The following MGAT5 variants were observed in gnomAD, a reference collection of about 807,000 sequenced individuals.
MGAT5 encodes the protein alpha-1,6-mannosylglycoprotein 6-beta-N-acetylglucosaminyltransferase.
A neutral mutation model predicts 94.3 loss-of-function variants in MGAT5; 30 were observed. The ratio of observed to expected loss-of-function variants is 0.32; its 90% CI spans 0.24 to 0.43. The LOEUF is 0.43. MGAT5 is among the 20% of genes least tolerant of loss of function. The pLI is 1.00. For synonymous variants in MGAT5, 310 were observed against 322.9 expected (o/e 0.96, Z 0.43); for missense variants, 691 against 905.5 (o/e 0.76, Z 3.04).
chr2:134,196,271 T>C (rs2105258786), intron 1 of MGAT5, among the ~76,000 whole-genome samples: 1 of 152,294 alleles, frequency 6.6e-6, no homozygotes, highest in African/African-American at 2.4e-5. Flanking sequence ...AATTTACCTA[T>C]TGTTGGTGTT....
intron 1 of MGAT5, among the ~76,000 whole-genome samples, chr2:134,266,959 A>T (rs1229855183): frequency 1.3e-5 from 2 of 152,246 alleles, no homozygotes; most frequent in Non-Finnish European, 2.9e-5. Context: ...AAAGAGTCTT[A>T]ATTTTAAAAA....
chr2:134,129,585 C>A (rs866596283), intron 1 of MGAT5, among the ~76,000 whole-genome samples: 1 of 152,036 alleles, frequency 6.6e-6, no homozygotes, highest in Admixed American at 6.6e-5. Context: ...CTGTTCTTCT[C>A]CCCTTTGAAC....
At chr2:134,391,458 G>A (rs528792078) in intron 10 of MGAT5, among the ~76,000 whole-genome samples, 21 of 152,326 alleles carry the variant, frequency 1.4e-4, no homozygotes, top group African/African-American at 4.6e-4. Context: ...TCTGGAGGCT[G>A]AAAGTCTGAG....
intron 10 of MGAT5, among the ~76,000 whole-genome samples, chr2:134,385,678 A>G (rs1349015390): frequency 6.6e-6 from 1 of 152,200 alleles, no homozygotes; most frequent in Non-Finnish European, 1.5e-5. Flanking sequence ...AAAGGTACAC[A>G]CGTAAGGTTG....
At chr2:134,251,813 A>G (rs943499837), upstream of MGAT5, among the ~76,000 whole-genome samples, 1 of 152,172 alleles carries the variant, frequency 6.6e-6, no homozygotes, top group African/African-American at 2.4e-5. Context: ...TATTAACCAT[A>G]GTCACCTTGC....
intron 1 of MGAT5, among the ~76,000 whole-genome samples, chr2:134,145,584 G>A (rs1331503571): frequency 1.3e-5 from 2 of 152,216 alleles, no homozygotes; most frequent in Admixed American, 1.3e-4. Context: ...CCTGAGCCTT[G>A]ACATTTGAAC....
chr2:134,152,488 G>A (rs1237375252), intron 1 of MGAT5, among the ~76,000 whole-genome samples: 1 of 150,388 alleles, frequency 6.6e-6, no homozygotes, highest in Non-Finnish European at 1.5e-5. Flanking sequence ...CTCATCCCCT[G>A]TGGGACCCAC....
At chr2:134,334,009 G>A (rs538277488) in intron 4 of MGAT5, among the ~76,000 whole-genome samples, 2 of 149,838 alleles carry the variant, frequency 1.3e-5, no homozygotes, top group Admixed American at 6.7e-5. Context: ...CCACCTTCCC[G>A]CTCTGTGCTA....
chr2:134,408,814 T>C (rs113350583), intron 11 of MGAT5, among the ~76,000 whole-genome samples: 3,041 of 152,310 alleles, frequency 0.02, 39 homozygotes, highest in Non-Finnish European at 0.031. Context: ...CAGCCCCTTG[T>C]CTGGGTTATT....
At chr2:134,166,815 G>A (rs1233879113) in intron 1 of MGAT5, among the ~76,000 whole-genome samples, 1 of 152,130 alleles carries the variant, frequency 6.6e-6, no homozygotes, top group African/African-American at 2.4e-5. Context: ...CAATAGATGA[G>A]GTCACCTCAG....
At chr2:134,285,207 A>C (rs575079196) in intron 2 of MGAT5, among the ~76,000 whole-genome samples, 1 of 152,328 alleles carries the variant, frequency 6.6e-6, no homozygotes, top group African/African-American at 2.4e-5. Context: ...AGAAAAGAAT[A>C]AGGAAAAAAA....
chr2:134,191,555 A>T (rs1277729984), intron 1 of MGAT5, among the ~76,000 whole-genome samples: 1 of 140,262 alleles, frequency 7.1e-6, no homozygotes, highest in Non-Finnish European at 1.5e-5. Context: ...TCCTGATAGG[A>T]GGGTGGGTTC....
chr2:134,254,204 G>A lies in MGAT5; in HGVS notation c.-200G>A. Reference sequence around the variant, plus strand: ...GTATTCAAGTGAAAACATGGCTTCTGGTTTATTTTGCTGTATTGTGCCATG... The same window carrying A: ...GTATTCAAGTGAAAACATGGCTTCTAGTTTATTTTGCTGTATTGTGCCATG... On this transcript the variant is annotated 5_prime_UTR_variant, in exon 1 of 16. Transcript: ENST00000281923. 1.6e-6 allele frequency: 1 copy of A among 612,296 alleles called. No homozygotes were observed. The highest frequency in any genetic ancestry group is 2.9e-6 in the Non-Finnish European group (1 of 349,718). 37.9% of individuals were successfully genotyped at this position (612,296 alleles called of 1,614,324 possible).
At chr2:134,441,452 C>A (rs1375954410) in intron 14 of MGAT5, among the ~76,000 whole-genome samples, 1 of 152,232 alleles carries the variant, frequency 6.6e-6, no homozygotes, top group East Asian at 1.9e-4. Flanking sequence ...GAATAGCCAC[C>A]CTTCACGGGC....
At chr2:134,334,827 C>CAAGAT (rs1391962610) in intron 4 of MGAT5, among the ~76,000 whole-genome samples, 12 of 152,100 alleles carry the variant, frequency 7.9e-5, no homozygotes, top group Non-Finnish European at 1.5e-4. Flanking sequence ...AGACTGTAGG[C>CAAGAT]CTCCAAGGCA....
intron 10 of MGAT5, among the ~76,000 whole-genome samples, chr2:134,395,976 C>T (rs1371133): frequency 0.54 from 81,677 of 152,132 alleles, 23,153 homozygotes; most frequent in Non-Finnish European, 0.62. Flanking sequence ...GAAGCAGACT[C>T]CCCTCTTTTT....
At chr2:134,389,606 T>C (rs943221919) in intron 10 of MGAT5, among the ~76,000 whole-genome samples, 5 of 152,192 alleles carry the variant, frequency 3.3e-5, no homozygotes, top group South Asian at 2.1e-4. Flanking sequence ...CATGCACATA[T>C]GGTGTCTAAT....
chr2:134,316,694 A>T (rs1004200107), intron 2 of MGAT5, among the ~76,000 whole-genome samples: 1 of 152,056 alleles, frequency 6.6e-6, no homozygotes, highest in African/African-American at 2.4e-5. Flanking sequence ...AACATTTCTC[A>T]TTTCTTTATA....
chr2:134,306,377 A>G (rs185587065), intron 2 of MGAT5, among the ~76,000 whole-genome samples: 92 of 152,206 alleles, frequency 6.0e-4, no homozygotes, highest in African/African-American at 2.1e-3. Context: ...TATAGCATAC[A>G]CTGTTTTGCT....
Sources: allele counts gnomAD v4.1 joint callset (sites outside exome capture counted in the v4.1 genomes callset), GRCh38; gene constraint gnomAD v4.1.1; transcripts MANE v1.5; gene names NCBI Gene and HGNC (gene_info 2026-07-23, HGNC 2026-07-21).